The following DNAH5 variants were observed in gnomAD, a reference collection of about 807,000 sequenced individuals.
DNAH5 encodes dynein axonemal heavy chain 5.
Under a neutral mutation model 518.2 loss-of-function variants are expected in DNAH5, and 372 were observed. That is an observed-to-expected ratio of 0.72 (90% CI 0.66 to 0.78). The LOEUF is 0.78. DNAH5 is among the 30% of genes least tolerant of loss of function. The pLI, the probability that DNAH5 is intolerant of heterozygous loss-of-function variation, is 0.00. For synonymous variants in DNAH5, 2,039 were observed against 2,025.9 expected (o/e 1.01, Z -0.17); for missense variants, 5,523 against 5,687.0 (o/e 0.97, Z 0.93).
At chr5:13,955,448 A>G (rs906440769) in intron 1 of DNAH5, among the ~76,000 whole-genome samples, 2 of 152,218 alleles carry the variant, frequency 1.3e-5, no homozygotes, top group Non-Finnish European at 1.5e-5. Context: ...TTCACTGCCA[A>G]ACAAAGAATG....
chr5:13,761,389 C>G (rs1027383514), intron 60 of DNAH5, among the ~76,000 whole-genome samples: 1 of 152,086 alleles, frequency 6.6e-6, no homozygotes, highest in Non-Finnish European at 1.5e-5. Context: ...GTCAGGAGAT[C>G]AAGACCATCC....
chr5:13,910,569 A>T (rs1301262744), intron 12 of DNAH5, among the ~76,000 whole-genome samples: 1 of 152,228 alleles, frequency 6.6e-6, no homozygotes. Context: ...AGAAAGATAG[A>T]CATTTGCACC....
intron 30 of DNAH5, among the ~76,000 whole-genome samples, chr5:13,854,359 C>T (rs530737527): frequency 6.6e-6 from 1 of 152,236 alleles, no homozygotes; most frequent in East Asian, 1.9e-4. Flanking sequence ...TACAAGAGCT[C>T]CTGAAGGAAG....
In DNAH5 at chr5:13,797,997, T is replaced by C. The variant is rs1201010551; in HGVS notation, c.7888-3939A>G. On this transcript the variant is annotated intron_variant, in intron 47 of 78. Coordinates refer to ENST00000265104, the MANE Select transcript of DNAH5 (RefSeq NM_001369.3). ...CATGTTCTCACTCATAGGTGGGAAT[T>C]GAACAATGAGATCACTTGCACACAG... Among the ~76,000 whole-genome samples the C allele has an allele frequency of 4.4e-5, 6 of 136,188 alleles. No individual in the cohort carries two copies. The East Asian group carries it at 1.3e-3, about 29-fold the overall frequency. 89.3% of individuals were successfully genotyped at this position (136,188 alleles called of 152,430 possible). A position where few individuals can be genotyped will look rare whatever the true frequency, so the allele number is the denominator to read the frequency against.
intron 42 of DNAH5, among the ~76,000 whole-genome samples, chr5:13,817,166 G>T (rs1761554311): frequency 6.6e-6 from 1 of 152,124 alleles, no homozygotes; most frequent in African/African-American, 2.4e-5. Context: ...ACTTTATAGA[G>T]AAATCAATTC....
At chr5:13,823,049 C>A (rs533248898) in intron 40 of DNAH5, among the ~76,000 whole-genome samples, 6 of 152,306 alleles carry the variant, frequency 3.9e-5, no homozygotes, top group African/African-American at 1.4e-4. Flanking sequence ...ACATGACTAG[C>A]TGGACATGTG....
chr5:14,008,317 A>G (rs371860972), intron 1 of DNAH5, among the ~76,000 whole-genome samples: 12 of 151,606 alleles, frequency 7.9e-5, no homozygotes, highest in African/African-American at 2.9e-4. Context: ...GAAGACAGGA[A>G]TGAAGAAAGA....
intron 65 of DNAH5, among the ~76,000 whole-genome samples, chr5:13,744,630 A>C (rs186045377): frequency 7.2e-5 from 11 of 152,238 alleles, no homozygotes; most frequent in Admixed American, 6.6e-4. Context: ...TCAATTAAAA[A>C]TAAAATAAAA....
chr5:13,854,418 C>T (rs546422109), intron 30 of DNAH5, among the ~76,000 whole-genome samples: 1 of 152,224 alleles, frequency 6.6e-6, no homozygotes, highest in South Asian at 2.1e-4. Context: ...CAAAAACAAA[C>T]CAAAATGTAA....
At chr5:13,949,845 C>T (rs1397046235) in intron 1 of DNAH5, among the ~76,000 whole-genome samples, 1 of 152,156 alleles carries the variant, frequency 6.6e-6, no homozygotes, top group Non-Finnish European at 1.5e-5. Flanking sequence ...TAATGTTGTC[C>T]TGGCTTTAGG....
In DNAH5 at chr5:13,717,338, A is replaced by G. The variant is rs772505955; in HGVS notation, c.12682T>C (p.Leu4228=). The G allele has an allele frequency of 1.8e-5, 29 of 1,613,786 alleles. No individual in the cohort carries two copies. In the East Asian group the frequency reaches 2.0e-4, roughly 11 times the overall value. Residue 4228 remains leucine, a synonymous_variant, in exon 73 of 79, where the codon TTG becomes CTG. Coordinates refer to ENST00000265104, the MANE Select transcript of DNAH5 (RefSeq NM_001369.3). ...NATVQFIQNH[L]DDMDVKKGVS... is the part of the protein sequence containing the mutation. The stretch of plus-strand genomic sequence containing the variant: ...ACCTTTTTGACATCCATGTCATCCA[A>G]GTGGTTTTGGATGAACTGCACAGTG...
At position 13,965,228 on chromosome 5, in the gene DNAH5, T is replaced by TA. The variant is rs200625500; in HGVS notation, c.13-33985dup. Among the ~76,000 whole-genome samples, 24 of 152,066 alleles carry TA rather than the reference T, an allele frequency of 1.6e-4. No individual in the cohort carries two copies. The East Asian group carries it at 3.5e-3, about 22-fold the overall frequency. ...TAATAATATTTTAAAACCTGTATGT[T>TA]AAAAAAAATGATATGTAAGTCAACA... On this transcript the variant is annotated intron_variant, in intron 1 of 78. Coordinates refer to the DNAH5 transcript ENST00000681290.
chr5:13,847,663 G>A (rs573986653), intron 31 of DNAH5, among the ~76,000 whole-genome samples: 151 of 151,686 alleles, frequency 1.0e-3, no homozygotes, highest in African/African-American at 3.5e-3. Context: ...GGCGGAGGCT[G>A]CAGTGGGCTG....
intron 47 of DNAH5, among the ~76,000 whole-genome samples, chr5:13,806,830 G>T (rs1318265633): frequency 6.6e-6 from 1 of 152,112 alleles, no homozygotes; most frequent in East Asian, 1.9e-4. Flanking sequence ...CAAACTTGAG[G>T]GGTTTTTTTT....
At chr5:13,756,514 T>C (rs1182247484) in intron 61 of DNAH5, among the ~76,000 whole-genome samples, 2 of 152,132 alleles carry the variant, frequency 1.3e-5, no homozygotes, top group African/African-American at 4.8e-5. Context: ...GTACACATAA[T>C]AAAGTGAGAA....
intron 44 of DNAH5, among the ~76,000 whole-genome samples, chr5:13,810,926 GAAC>G (rs1247573792): frequency 6.6e-6 from 1 of 152,160 alleles, no homozygotes. Context: ...CCTGTCATTT[GAAC>G]AACATGAATG....
At position 13,864,419 on chromosome 5, in the gene DNAH5, A is replaced by G; in HGVS notation, c.4574T>C (p.Leu1525Pro). The change falls in exon 28 of 79, where the codon CTG becomes CCG. Residue 1525 changes from leucine (L) to proline (P), a missense_variant. Leu to Pro is a moderately conservative substitution (Grantham distance 98). This residue lies in a region of DNAH5 where 5,121 missense variants were observed against 5,223.3 expected (regional missense o/e 0.98). Transcript: ENST00000265104. Reference sequence around the variant, plus strand: ...TACCTCTATTTCCTCTTTATATTTCAGAAGAGGTGCCTCCATGATATTTCT... The same window carrying G: ...TACCTCTATTTCCTCTTTATATTTCGGAAGAGGTGCCTCCATGATATTTCT... The part of the protein sequence containing the change: ...KLRNIMEAPL[L>P]KYKEEIEDIC... The G allele has an allele frequency of 3.7e-6, 6 of 1,614,066 alleles. No individual in the cohort carries two copies. The East Asian group carries it at 1.3e-4, about 36-fold the overall frequency.
chr5:13,792,455 G>A (rs534062835), intron 49 of DNAH5, among the ~76,000 whole-genome samples: 11 of 152,154 alleles, frequency 7.2e-5, no homozygotes, highest in African/African-American at 1.2e-4. Context: ...AAATACTGCC[G>A]AAGACTCTGG....
At chr5:13,750,839 C>T (rs1188962923) in intron 65 of DNAH5, among the ~76,000 whole-genome samples, 1 of 152,020 alleles carries the variant, frequency 6.6e-6, no homozygotes, top group Non-Finnish European at 1.5e-5. Context: ...CATCATCAGT[C>T]TGTATAAAGG....
Sources: gnomAD v4.1 joint callset for allele counts (sites outside exome capture counted in the v4.1 genomes callset) on GRCh38, gnomAD v4.1.1 for gene constraint, gnomAD v4.1.1 regional missense constraint, MANE v1.5 for transcripts, NCBI Gene and HGNC (gene_info 2026-07-23, HGNC 2026-07-21) for gene names.